The following MECOM variants were observed in gnomAD, a reference collection of about 807,000 sequenced individuals.
MECOM encodes MDS1 and EVI1 complex locus.
A neutral mutation model predicts 116.3 loss-of-function variants in MECOM; 13 were observed. That is an observed-to-expected ratio of 0.11 (90% CI 0.07 to 0.18). MECOM has a LOEUF of 0.18. Among genes scored for constraint, MECOM ranks in the 10% least tolerant of loss-of-function variants. MECOM has a pLI of 1.00. For synonymous variants in MECOM, 528 were observed against 535.2 expected, an observed-to-expected ratio of 0.99 and a Z score of 0.19; for missense variants, 1,299 against 1,509.0, an observed-to-expected ratio of 0.86 and a Z score of 2.31.
Position 169,333,013 on chromosome 3 carries a change from G to T in MECOM, c.375+48174C>A, listed in dbSNP as rs1723006288. ...CTTTTTAACAAAAGAAAGTTTTCTA[G>T]AAAAATATGATATTCTAACAAAAAC... On this transcript the variant is annotated intron_variant, in intron 2 of 16. Coordinates refer to ENST00000651503, the MANE Select transcript of MECOM (RefSeq NM_004991.4). Among the ~76,000 whole-genome samples the T allele has an allele frequency of 2.0e-5, 3 of 152,254 alleles. No homozygotes were observed. In the South Asian group the frequency reaches 6.2e-4, roughly 32 times the overall value.
At chr3:169,315,236 G>T (rs1166048411) in intron 2 of MECOM, among the ~76,000 whole-genome samples, 1 of 152,188 alleles carries the variant, frequency 6.6e-6, no homozygotes, top group East Asian at 1.9e-4. Flanking sequence ...GAGAAGGGCG[G>T]CAGGGGAGCC....
intron 2 of MECOM, chr3:169,149,466 G>C (rs959970701): frequency 3.4e-5 from 8 of 235,296 alleles, no homozygotes; most frequent in African/African-American, 1.9e-4. Flanking sequence ...CTGGATACTT[G>C]CAGGTACGGC....
chr3:169,318,506 T>TA (rs1720189157), intron 2 of MECOM, among the ~76,000 whole-genome samples: 1 of 151,960 alleles, frequency 6.6e-6, no homozygotes, highest in African/African-American at 2.4e-5. Context: ...GACCAACAAA[T>TA]ATATTAAAAG....
chr3:169,360,687 GA>G (rs928536978), intron 2 of MECOM, among the ~76,000 whole-genome samples: 75 of 151,444 alleles, frequency 5.0e-4, no homozygotes, highest in East Asian at 2.0e-3. Flanking sequence ...GCCCAGGGGG[GA>G]AAAAAAAGCA....
intron 2 of MECOM, among the ~76,000 whole-genome samples, chr3:169,305,401 C>T (rs1717484827): frequency 6.6e-6 from 1 of 151,998 alleles, no homozygotes; most frequent in African/African-American, 2.4e-5. Flanking sequence ...AAATGATTGC[C>T]TAATTGTGGG....
intron 2 of MECOM, among the ~76,000 whole-genome samples, chr3:169,184,936 C>T (rs1187401323): frequency 6.6e-6 from 1 of 152,066 alleles, no homozygotes; most frequent in Non-Finnish European, 1.5e-5. Context: ...TGGCAAATCA[C>T]TGGACATGGG....
intron 1 of MECOM, among the ~76,000 whole-genome samples, chr3:169,433,359 T>C (rs576375586): frequency 6.6e-5 from 10 of 152,136 alleles, no homozygotes; most frequent in African/African-American, 2.4e-4. Flanking sequence ...TCCCAGCTAT[T>C]CGGGAGGCTG....
intron 1 of MECOM, among the ~76,000 whole-genome samples, chr3:169,491,688 C>T (rs532472787): frequency 6.6e-6 from 1 of 152,262 alleles, no homozygotes; most frequent in Admixed American, 6.5e-5. Context: ...CCAACCAGAG[C>T]CACGTACCAA....
intron 1 of MECOM, among the ~76,000 whole-genome samples, chr3:169,574,217 G>A (rs866321704): frequency 2.6e-5 from 4 of 152,038 alleles, no homozygotes; most frequent in Non-Finnish European, 2.9e-5. Context: ...TTCCAAATAC[G>A]TCATGGCTAA....
rs762769252 is a variant in MECOM, at chr3:169,116,131, C to T, written c.1741G>A (p.Asp581Asn). Residue 581 changes from aspartate to asparagine, a missense_variant, in exon 8 of 17, where the codon GAC becomes AAC. By Grantham distance (23) the Asp-to-Asn change is conservative. This residue lies in a region of MECOM where 238 missense variants were observed against 273.1 expected (regional missense o/e 0.87). Coordinates refer to ENST00000651503, the MANE Select transcript of MECOM (RefSeq NM_004991.4). ...CTTGGTGTACTGACATCATCAAGGTCACTACTCTCTGACTGGTCACTGATT... is the reference window on the plus strand; with the variant it reads ...CTTGGTGTACTGACATCATCAAGGTTACTACTCTCTGACTGGTCACTGATT... ...EKISDQSESS[D>N]LDDVSTPSGS... 1 of 1,614,148 alleles carries T rather than the reference C, an allele frequency of 6.2e-7. No homozygotes were observed. The highest frequency in any genetic ancestry group is 2.2e-5 in the East Asian group (1 of 44,876).
intron 2 of MECOM, among the ~76,000 whole-genome samples, chr3:169,237,888 A>AT: frequency 6.6e-6 from 1 of 152,246 alleles, no homozygotes; most frequent in South Asian, 2.1e-4. Context: ...TTAAGAAATT[A>AT]TTTTTGGTGC....
intron 1 of MECOM, among the ~76,000 whole-genome samples, chr3:169,457,576 G>GA (rs1434799107): frequency 1.3e-5 from 2 of 151,944 alleles, no homozygotes; most frequent in African/African-American, 4.8e-5. Flanking sequence ...ACAAATAGAA[G>GA]AAAAAAATGA....
At chr3:169,302,051 G>A (rs565427701) in intron 2 of MECOM, among the ~76,000 whole-genome samples, 16 of 152,152 alleles carry the variant, frequency 1.1e-4, no homozygotes, top group South Asian at 4.1e-4. Flanking sequence ...GCTTTAAAAT[G>A]TTCCCTCTAG....
intron 2 of MECOM, among the ~76,000 whole-genome samples, chr3:169,257,952 G>A (rs750666677): frequency 2.6e-5 from 4 of 152,202 alleles, no homozygotes; most frequent in African/African-American, 4.8e-5. Flanking sequence ...CGGGCATGGC[G>A]GCGCATGCCC....
intron 2 of MECOM, chr3:169,147,086 G>A: frequency 1.0e-6 from 1 of 988,096 alleles, no homozygotes; most frequent in Non-Finnish European, 1.2e-6. Flanking sequence ...TGAGCTCGGA[G>A]CTATTCCTTC....
At chr3:169,230,294 A>G (rs1216228193) in intron 2 of MECOM, among the ~76,000 whole-genome samples, 1 of 151,932 alleles carries the variant, frequency 6.6e-6, no homozygotes, top group East Asian at 1.9e-4. Context: ...CAACTTAGCC[A>G]GCTTTTTTCT....
At chr3:169,294,635 C>T (rs1041295216) in intron 2 of MECOM, among the ~76,000 whole-genome samples, 1 of 152,170 alleles carries the variant, frequency 6.6e-6, no homozygotes, top group Non-Finnish European at 1.5e-5. Context: ...CAGCTCAAGG[C>T]TTATCAGCCT....
chr3:169,115,398 A>G lies in MECOM; in HGVS notation c.2474T>C (p.Met825Thr), dbSNP rs993454229. Residue 825 changes from methionine to threonine, a missense_variant, in exon 8 of 17, where the codon ATG becomes ACG. Around this residue, in one of 6 missense-constraint regions of MECOM, gnomAD observed 340 missense variants for 312.6 expected, o/e 1.09. Transcript: ENST00000651503. ...LQHARPTPFF[M>T]DPIYRVEKRK... ...ACACGCTTACCTGTAAATAGGGTCCATAAAGAAAGGAGTGGGTCTTGCATG... is the reference window on the plus strand; with the variant it reads ...ACACGCTTACCTGTAAATAGGGTCCGTAAAGAAAGGAGTGGGTCTTGCATG... The G allele has an allele frequency of 6.2e-7, 1 of 1,613,834 alleles. No homozygotes were observed. Among genetic ancestry groups the G allele is most frequent in the African/African-American group, 1.3e-5 (1 of 74,932 alleles).
chr3:169,320,633 A>G (rs1720689141), intron 2 of MECOM, among the ~76,000 whole-genome samples: 1 of 152,248 alleles, frequency 6.6e-6, no homozygotes, highest in Non-Finnish European at 1.5e-5. Context: ...GGAAGAACCC[A>G]TAATATTTTC....
Sources: allele counts gnomAD v4.1 joint callset (sites outside exome capture counted in the v4.1 genomes callset), GRCh38; gene constraint gnomAD v4.1.1; regional missense constraint gnomAD v4.1.1; transcripts MANE v1.5; gene names NCBI Gene and HGNC (gene_info 2026-07-23, HGNC 2026-07-21).